The following LARGE1 variants were observed in gnomAD, a reference collection of about 807,000 sequenced individuals.
The protein encoded by LARGE1 is xylosyl- and glucuronyltransferase LARGE1.
A neutral mutation model predicts 87.6 loss-of-function variants in LARGE1; 43 were observed. That is an observed-to-expected ratio of 0.49 (90% confidence interval 0.38 to 0.63). The LOEUF is 0.63. Ranked by LOEUF, LARGE1 falls within the 30% of genes least tolerant of loss-of-function variation. The probability of loss-of-function intolerance (pLI) is 0.00; values close to 1 mark genes in which losing one functional copy is unlikely to be tolerated. For synonymous variants in LARGE1, 434 were observed against 394.6 expected, an observed-to-expected ratio of 1.10 and a Z score of -1.18; for missense variants, 802 against 1,000.2, an observed-to-expected ratio of 0.80 and a Z score of 2.67.
chr22:33,887,452 C>G (rs922286237), intron 1 of LARGE1, among the ~76,000 whole-genome samples: 34 of 152,140 alleles, frequency 2.2e-4, no homozygotes, highest in Non-Finnish European at 4.6e-4. Context: ...TTAAAAGTCA[C>G]CTGGCCAGGC....
intron 9 of LARGE1, among the ~76,000 whole-genome samples, chr22:33,370,271 C>T (rs2064758613): frequency 6.6e-6 from 1 of 152,132 alleles, no homozygotes; most frequent in African/African-American, 2.4e-5. Flanking sequence ...TGTTAAGATG[C>T]TTCCCCATAA....
chr22:33,082,841 C>T, the LARGE1 span, among the ~76,000 whole-genome samples: 39 of 152,050 alleles, frequency 2.6e-4, no homozygotes, highest in Admixed American at 1.4e-3. Context: ...CTGGCTAACA[C>T]GGTGAAACCC....
intron 4 of LARGE1, among the ~76,000 whole-genome samples, chr22:33,626,027 G>C (rs1412265801): frequency 2.0e-5 from 3 of 152,216 alleles, no homozygotes; most frequent in Admixed American, 6.5e-5. Context: ...CATTAGGTCT[G>C]AGAGTTACAA....
At chr22:33,262,549 A>C (rs1158693262) in intron 11 of LARGE1, among the ~76,000 whole-genome samples, 11 of 151,982 alleles carry the variant, frequency 7.2e-5, no homozygotes, top group Non-Finnish European at 8.8e-5. Context: ...CCTCTGCTGG[A>C]AGATCTTCAG....
intron 1 of LARGE1, among the ~76,000 whole-genome samples, chr22:33,787,768 G>A (rs145854708): frequency 0.014 from 2,194 of 152,276 alleles, 46 homozygotes; most frequent in African/African-American, 0.051. Context: ...TGTCCTTACA[G>A]CCCTTCAACA....
At chr22:33,119,962 A>G in the LARGE1 span, among the ~76,000 whole-genome samples, 1 of 152,144 alleles carries the variant, frequency 6.6e-6, no homozygotes, top group Non-Finnish European at 1.5e-5. Flanking sequence ...GCTGAACAGC[A>G]GCTAAAAATT....
chr22:33,561,631 A>G (rs1318602435), intron 6 of LARGE1, among the ~76,000 whole-genome samples: 1 of 152,142 alleles, frequency 6.6e-6, no homozygotes, highest in Non-Finnish European at 1.5e-5. Flanking sequence ...ACCTAGAAGG[A>G]GCTCAGTAAA....
At position 33,520,380 on chromosome 22, in the gene LARGE1, T is replaced by A. The variant is rs1264087818; in HGVS notation, c.787+44468A>T. ...CAAGAGCCACTGTGTCTGGCCTCAG[T>A]GCTTCTTAAACCATCCTGTACCTGA... On this transcript the variant is annotated intron_variant, in intron 6 of 14. Transcript: ENST00000397394. 2.6e-5 allele frequency among the ~76,000 whole-genome samples: 4 copies of A among 152,140 alleles called. 1 individual carries two copies. The highest frequency in any genetic ancestry group is 1.5e-5 in the Non-Finnish European group (1 of 68,020).
intron 6 of LARGE1, among the ~76,000 whole-genome samples, chr22:33,555,083 C>T (rs377008160): frequency 3.5e-4 from 53 of 152,130 alleles, no homozygotes; most frequent in African/African-American, 1.3e-3. Flanking sequence ...TTTTTTTTGT[C>T]TTCTTACTAT....
At position 33,848,255 on chromosome 22, in the gene LARGE1, C is replaced by T. The variant is rs547399678; in HGVS notation, c.-83+71740G>A. On this transcript the variant is annotated intron_variant, in intron 1 of 14. Transcript: ENST00000397394. Reference sequence around the variant, plus strand: ...AAAGACTAGTTGAAAATCTTTCGCCCAGCACATCTCAGCCACTGCAACAGT... The same window carrying T: ...AAAGACTAGTTGAAAATCTTTCGCCTAGCACATCTCAGCCACTGCAACAGT... Among the ~76,000 whole-genome samples, 3 of 152,268 alleles carry T rather than the reference C, an allele frequency of 2.0e-5. No individual in the cohort carries two copies. In the South Asian group the frequency reaches 6.2e-4, roughly 32 times the overall value.
intron 1 of LARGE1, among the ~76,000 whole-genome samples, chr22:33,855,974 C>T (rs1455551262): frequency 6.6e-6 from 1 of 152,142 alleles, no homozygotes. Context: ...GAGTCGGGAT[C>T]AAGTCTTGGC....
At chr22:33,277,429 T>C (rs1471951759) in intron 13 of LARGE1, among the ~76,000 whole-genome samples, 174 bp from the exon 14 acceptor site, 2 of 152,352 alleles carry the variant, frequency 1.3e-5, no homozygotes, top group Non-Finnish European at 1.5e-5. Context: ...GAATGGGACC[T>C]ATTTGGAATC....
intron 6 of LARGE1, among the ~76,000 whole-genome samples, chr22:33,523,058 T>G (rs1446177932): frequency 6.6e-6 from 1 of 151,772 alleles, no homozygotes; most frequent in Non-Finnish European, 1.5e-5. Flanking sequence ...AGACTGGAGT[T>G]CAATGGCGCG....
At chr22:33,921,001 G>A (rs1164759310), upstream of LARGE1, among the ~76,000 whole-genome samples, 1 of 150,052 alleles carries the variant, frequency 6.7e-6, no homozygotes, top group African/African-American at 2.4e-5. This position sits in a 1 kb window ranked among gnomAD's most constrained non-coding sequence, Gnocchi z 4.1. Flanking sequence ...CTCAGCAGCT[G>A]CAGTGACTGT....
intron 2 of LARGE1, among the ~76,000 whole-genome samples, chr22:33,677,288 TAAAAAAAAA>T (rs779032764): frequency 9.1e-6 from 1 of 110,178 alleles, no homozygotes; most frequent in Non-Finnish European, 2.0e-5. Context: ...TTTCAGGAGT[TAAAAAAAAA>T]AAAAAAAAAA....
chr22:33,604,614 C>T (rs370531305), intron 4 of LARGE1, 56 bp from the exon 5 acceptor site: 3 of 1,610,672 alleles, frequency 1.9e-6, no homozygotes, highest in East Asian at 2.2e-5. Context: ...CTTTGAATTA[C>T]AGCTGCAAAA....
chr22:33,559,195 T>C (rs117770069), intron 6 of LARGE1, among the ~76,000 whole-genome samples: 3,871 of 152,332 alleles, frequency 0.025, 57 homozygotes, highest in Middle Eastern at 0.048. Flanking sequence ...TACACCTTTT[T>C]TTTGAGACGC....
chr22:33,909,808 G>C (rs1023894653), intron 1 of LARGE1, among the ~76,000 whole-genome samples: 1 of 152,136 alleles, frequency 6.6e-6, no homozygotes, highest in Non-Finnish European at 1.5e-5. Flanking sequence ...AGAGTGCTGG[G>C]ATTACAGGCA....
chr22:33,378,208 C>A (rs895557084), intron 9 of LARGE1, among the ~76,000 whole-genome samples: 1 of 152,140 alleles, frequency 6.6e-6, no homozygotes, highest in African/African-American at 2.4e-5. Context: ...AAGTGCCTGG[C>A]AAATTTTTAA....
Sources: allele counts gnomAD v4.1 joint callset (sites outside exome capture counted in the v4.1 genomes callset), GRCh38; gene constraint gnomAD v4.1.1; non-coding constraint Gnocchi (gnomAD v3.1); transcripts MANE v1.5; gene names NCBI Gene and HGNC (gene_info 2026-07-23, HGNC 2026-07-21).